PRDM16: variants seen among roughly 807,000 people sequenced by gnomAD.
The protein encoded by PRDM16 is histone-lysine N-methyltransferase PRDM16.
In PRDM16, 23 loss-of-function variants were observed where a neutral mutation model predicts 110.6. The observed-to-expected ratio is 0.21, with a 90% confidence interval of 0.15 to 0.29. The LOEUF (loss-of-function observed/expected upper bound fraction) is 0.29, where lower values mean the gene tolerates loss of function less well. Among genes scored for constraint, PRDM16 ranks in the 10% least tolerant of loss-of-function variants. The probability of loss-of-function intolerance (pLI) is 1.00; values close to 1 mark genes in which losing one functional copy is unlikely to be tolerated. For synonymous variants in PRDM16, 799 were observed against 781.8 expected (o/e 1.02, Z -0.37); for missense variants, 1,615 against 1,794.3 (o/e 0.90, Z 1.81).
rs114100131 is a variant in PRDM16 at position 3,146,807 on chromosome 1, G to A, written c.38-39318G>A. ...TGTGCTCGGTGTGGGGTGTGTGTAC[G>A]TGTGTGCTCAGTATGGAGTGTGTGT... On this transcript the variant is annotated intron_variant, in intron 1 of 16. Transcript: ENST00000270722. 5.5e-3 allele frequency among the ~76,000 whole-genome samples: 741 copies of A among 135,844 alleles called. 12 individuals are homozygous for A. The highest frequency in any genetic ancestry group is 7.6e-3 in the Non-Finnish European group (475 of 62,746). The allele number at this position is 135,844 out of a possible 152,430, so 89.1% of individuals were successfully genotyped here.
At chr1:3,239,008 C>T (rs1223950862) in intron 2 of PRDM16, among the ~76,000 whole-genome samples, 1 of 152,222 alleles carries the variant, frequency 6.6e-6, no homozygotes, top group Non-Finnish European at 1.5e-5. Context: ...GGGACAGGCC[C>T]CCCACATGTG....
intron 2 of PRDM16, among the ~76,000 whole-genome samples, chr1:3,211,789 A>G (rs1638889515): frequency 6.6e-6 from 1 of 152,224 alleles, no homozygotes; most frequent in African/African-American, 2.4e-5. Context: ...GCCTTGCAGC[A>G]CGAGCGTGTC....
chr1:3,368,460 A>G lies in PRDM16; in HGVS notation c.439-16692A>G, dbSNP rs1008010471. Among the ~76,000 whole-genome samples the G allele has an allele frequency of 1.9e-4, 29 of 152,348 alleles. 3 individuals are homozygous for G. The highest frequency in any genetic ancestry group is 1.1e-3 in the Admixed American group (17 of 15,306). On this transcript the variant is annotated intron_variant, in intron 3 of 16. Transcript: ENST00000270722. ...TGTTCTGAGCATCTGTGAAGGATCC[A>G]GAGCTCCAGAAAGTCAAAAGCCAAG... is the stretch of plus-strand genomic sequence containing the variant.
Position 3,130,748 on chromosome 1 carries a change from C to A in PRDM16, c.38-55377C>A, listed in dbSNP as rs949199796. 1.2e-4 allele frequency among the ~76,000 whole-genome samples: 18 copies of A among 151,912 alleles called. No homozygotes were observed. In the East Asian group the frequency reaches 3.5e-3, roughly 29 times the overall value. Reference sequence around the variant, plus strand: ...CCCTCAAATACTGTCGCCCTTTTCCCCCGTGAGCTGCATGGCCTTTTCCTT... The same window carrying A: ...CCCTCAAATACTGTCGCCCTTTTCCACCGTGAGCTGCATGGCCTTTTCCTT... On this transcript the variant is annotated intron_variant, in intron 1 of 16. Transcript: ENST00000270722.
chr1:3,155,566 A>G (rs956119656), intron 1 of PRDM16, among the ~76,000 whole-genome samples: 1 of 152,200 alleles, frequency 6.6e-6, no homozygotes, highest in African/African-American at 2.4e-5. Flanking sequence ...CTCCCGATAC[A>G]GCAGCGTTGC....
chr1:3,349,438 A>G (rs1343730872), intron 3 of PRDM16, among the ~76,000 whole-genome samples: 1 of 152,176 alleles, frequency 6.6e-6, no homozygotes, highest in Non-Finnish European at 1.5e-5. Flanking sequence ...CATGGCGGGA[A>G]GCAGGGCTGT....
chr1:3,180,121 G>A (rs1416219307), intron 1 of PRDM16, among the ~76,000 whole-genome samples: 1 of 152,042 alleles, frequency 6.6e-6, no homozygotes, highest in Non-Finnish European at 1.5e-5. Context: ...AGGTTGATCA[G>A]AAGCACCTAC....
intron 4 of PRDM16, among the ~76,000 whole-genome samples, chr1:3,395,580 A>G (rs1276392691): frequency 6.6e-6 from 1 of 152,060 alleles, no homozygotes; most frequent in Non-Finnish European, 1.5e-5. Context: ...CCCCAAGAGA[A>G]ACACACCTGC....
At position 3,256,838 on chromosome 1, in the gene PRDM16, C is replaced by G. The variant is rs529535335; in HGVS notation, c.438+12701C>G. 1.3e-3 allele frequency among the ~76,000 whole-genome samples: 199 copies of G among 151,142 alleles called. 1 individual carries two copies. Among genetic ancestry groups the G allele is most frequent in the African/African-American group, 4.7e-3 (195 of 41,278 alleles). On this transcript the variant is annotated intron_variant, in intron 3 of 16. Transcript: ENST00000270722. ...CACCACTGCACTCCAGCCTGGGCGA[C>G]AGAGTGCGACTCCATCTCAAAATAA...
At chr1:3,144,945 G>A (rs1485647091) in intron 1 of PRDM16, among the ~76,000 whole-genome samples, 2 of 152,174 alleles carry the variant, frequency 1.3e-5, no homozygotes, top group Non-Finnish European at 2.9e-5. Context: ...TGAACCCCCA[G>A]GGCCTCAGGA....
At chr1:3,285,513 CAGG>C (rs1640825015) in intron 3 of PRDM16, among the ~76,000 whole-genome samples, 1 of 152,202 alleles carries the variant, frequency 6.6e-6, no homozygotes, top group Admixed American at 6.5e-5. Flanking sequence ...TTCCTGGGAG[CAGG>C]CATGCTCCCA....
intron 1 of PRDM16, among the ~76,000 whole-genome samples, chr1:3,076,662 GC>G (rs1225255843): frequency 5.3e-5 from 8 of 152,210 alleles, no homozygotes; most frequent in African/African-American, 1.7e-4. Context: ...AGGAGGCTTA[GC>G]TGGAGGCCAG....
intron 2 of PRDM16, among the ~76,000 whole-genome samples, chr1:3,217,832 C>T (rs565885065): frequency 1.3e-5 from 2 of 152,306 alleles, no homozygotes; most frequent in East Asian, 1.9e-4. Context: ...TAGAAGTATT[C>T]GGGATGCCGC....
chr1:3,116,402 G>A (rs1435565242), intron 1 of PRDM16, among the ~76,000 whole-genome samples: 3 of 152,146 alleles, frequency 2.0e-5, no homozygotes, highest in Non-Finnish European at 2.9e-5. Context: ...GCCTGGAGAC[G>A]TGGCACCGTA....
In PRDM16 at chr1:3,437,752, A is replaced by T. The variant is rs749788516; in HGVS notation, c.*3941A>T. ...TGATCCGTATTACCACTTTTGGAAAAAAATAAATAAATAAATAAATAAAAG... is the reference window on the plus strand; with the variant it reads ...TGATCCGTATTACCACTTTTGGAAATAAATAAATAAATAAATAAATAAAAG... On this transcript the variant is annotated 3_prime_UTR_variant, in exon 17 of 17. Transcript: ENST00000270722. 61 of 218,790 alleles carry T rather than the reference A, an allele frequency of 2.8e-4. 1 individual carries two copies. The highest frequency in any genetic ancestry group is 7.5e-4 in the Admixed American group (13 of 17,258). The allele number at this position is 218,790 out of a possible 1,614,324, so 13.6% of individuals were successfully genotyped here.
At chr1:3,378,481 A>G (rs1643035007) in intron 3 of PRDM16, among the ~76,000 whole-genome samples, 1 of 152,140 alleles carries the variant, frequency 6.6e-6, no homozygotes, top group Admixed American at 6.5e-5. Context: ...TGGAGAGCAC[A>G]CGGGGCAGCC....
intron 3 of PRDM16, among the ~76,000 whole-genome samples, chr1:3,286,836 G>A (rs1640855912): frequency 6.6e-6 from 1 of 151,948 alleles, no homozygotes; most frequent in Admixed American, 6.6e-5. Flanking sequence ...AGGATGGAAA[G>A]CATGGGACTC....
chr1:3,379,109 ACCCCCCCAACTCAC>A (rs1643048834), intron 3 of PRDM16, among the ~76,000 whole-genome samples: 1 of 17,526 alleles, frequency 5.7e-5, no homozygotes, highest in East Asian at 1.7e-3. Flanking sequence ...CTCCCGGTGC[ACCCCCCCAACTCAC>A]CCCTCCCAAC....
chr1:3,355,732 G>A (rs1314863383), intron 3 of PRDM16, among the ~76,000 whole-genome samples: 3 of 152,144 alleles, frequency 2.0e-5, no homozygotes, highest in Non-Finnish European at 4.4e-5. Context: ...AAGTGCAGCC[G>A]CCACCCTGAG....
Sources: allele counts gnomAD v4.1 joint callset (sites outside exome capture counted in the v4.1 genomes callset), GRCh38; gene constraint gnomAD v4.1.1; transcripts MANE v1.5; gene names NCBI Gene and HGNC (gene_info 2026-07-23, HGNC 2026-07-21).